CUL4B: variants seen among roughly 807,000 people sequenced by gnomAD.
The protein encoded by CUL4B is cullin 4B.
In CUL4B, 1 loss-of-function variant was observed where a neutral mutation model predicts 69.2. The observed-to-expected ratio is 0.01, with a 90% confidence interval of 0.01 to 0.07. The LOEUF (loss-of-function observed/expected upper bound fraction) is 0.07, where lower values mean the gene tolerates loss of function less well. CUL4B is among the 10% of genes least tolerant of loss of function. The pLI is 1.00. For synonymous variants in CUL4B, 237 were observed against 223.2 expected, an observed-to-expected ratio of 1.06 and a Z score of -0.55; for missense variants, 328 against 638.8, an observed-to-expected ratio of 0.51 and a Z score of 5.24.
Position 120,536,839 on chromosome X carries a change from T to G in CUL4B, c.2046+88A>C, listed in dbSNP as rs928948971. 3.3e-5 allele frequency: 22 copies of G among 673,941 alleles called. No individual in the cohort carries two copies. The Admixed American group carries it at 4.2e-4, about 13-fold the overall frequency. The allele number at this position is 673,941 out of a possible 1,213,427, so 55.5% of individuals were successfully genotyped here. ...CAGCGAGACCCTGGGTCTCTATTTT[T>G]TTCTAAGTATCTATTTTTAAATGAC... On this transcript the variant is annotated intron_variant, in intron 15 of 19. Transcript: ENST00000371322.
rs1924152052 is a variant in CUL4B at position 120,543,738 on chromosome X, A to G, written c.1245T>C (p.Asp415=). ...CATGTGGTACTTACTGGGTGGTCTG[A>G]TCTAAGTAAGTAATAAGTCTGTCTG... ...EEADRLITYL[D]QTTQKSLIAT... is the part of the protein sequence containing the mutation. Residue 415 remains aspartate (D), a synonymous_variant, in exon 8 of 20, where the codon GAT becomes GAC. Coordinates refer to ENST00000371322, the MANE Select transcript of CUL4B (RefSeq NM_001079872.2). 1 of 1,196,475 alleles carries G rather than the reference A, an allele frequency of 8.4e-7. No homozygotes were observed. Among genetic ancestry groups the G allele is most frequent in the Non-Finnish European group, 1.1e-6 (1 of 881,532 alleles).
rs1253958227 is a variant in CUL4B at position 120,525,400 on chromosome X, C to T, written c.*1361G>A. ...TTTTCTGCTTCTCCTCCCTTCAAAG[C>T]TTCAAGGAAATAGAAACAAGGAAAC... On this transcript the variant is annotated 3_prime_UTR_variant, in exon 20 of 20. Coordinates refer to ENST00000371322, the MANE Select transcript of CUL4B (RefSeq NM_001079872.2). The T allele has an allele frequency of 9.0e-6, 1 of 111,338 alleles. No individual in the cohort carries two copies. The highest frequency in any genetic ancestry group is 1.9e-5 in the Non-Finnish European group (1 of 53,041). The allele number at this position is 111,338 out of a possible 1,213,427, so 9.2% of individuals were successfully genotyped here.
chrX:120,529,795 A>T (rs1054485714), intron 19 of CUL4B, among the ~76,000 whole-genome samples: 2 of 111,498 alleles, frequency 1.8e-5, no homozygotes, highest in Non-Finnish European at 3.8e-5. Context: ...AGAGGAAAAG[A>T]AGTAAATAAC....
intron 10 of CUL4B, 67 bp downstream of exon 10, chrX:120,541,535 G>T: frequency 4.0e-6 from 3 of 742,126 alleles, no homozygotes; most frequent in Non-Finnish European, 6.3e-6. Context: ...AGAAATGCTT[G>T]CCAATATGCA....
At chrX:120,536,665 G>T (rs767936313) in intron 15 of CUL4B, among the ~76,000 whole-genome samples, 1 of 111,604 alleles carries the variant, frequency 9.0e-6, no homozygotes, top group Non-Finnish European at 1.9e-5. Flanking sequence ...TAAAGCAGTT[G>T]GTATTTGGTG....
rs1004155609 is a variant in CUL4B, at chrX:120,531,045, C to T, written c.2440-791G>A. ...TGTCCTACATTAAAATTTTTTCAGTCGGGCTCAGTGGCTCACACCTATAAT... is the reference window on the plus strand; with the variant it reads ...TGTCCTACATTAAAATTTTTTCAGTTGGGCTCAGTGGCTCACACCTATAAT... On this transcript the variant is annotated intron_variant, in intron 18 of 19. Transcript: ENST00000371322. 5.4e-5 allele frequency among the ~76,000 whole-genome samples: 6 copies of T among 111,345 alleles called. No individual in the cohort carries two copies. The South Asian group carries it at 1.9e-3, about 35-fold the overall frequency.
At chrX:120,537,392 T>G (rs145361675) in intron 14 of CUL4B, among the ~76,000 whole-genome samples, 90 of 110,828 alleles carry the variant, frequency 8.1e-4, no homozygotes, top group African/African-American at 2.8e-3. Flanking sequence ...TTAAACACCT[T>G]GCAGCAACCC....
chrX:120,568,336 C>T (rs772065058), downstream of CUL4B, among the ~76,000 whole-genome samples: 1 of 111,774 alleles, frequency 8.9e-6, no homozygotes, highest in African/African-American at 3.3e-5. Context: ...AGTTTGACAG[C>T]TTATCTAAGC....
At chrX:120,566,345 G>GTATATACA (rs1925517448), upstream of CUL4B, among the ~76,000 whole-genome samples, 1 of 40,987 alleles carries the variant, frequency 2.4e-5, no homozygotes, top group Non-Finnish European at 4.1e-5. Context: ...GTGTGTATAG[G>GTATATACA]TATATATATA....
chrX:120,536,163 C>T (rs1923659512), intron 15 of CUL4B, among the ~76,000 whole-genome samples: 1 of 112,761 alleles, frequency 8.9e-6, no homozygotes, highest in African/African-American at 3.2e-5. Flanking sequence ...TTTAATCATC[C>T]CCTCTTTTGA....
intron 18 of CUL4B, among the ~76,000 whole-genome samples, chrX:120,531,523 G>A (rs991289663): frequency 1.9e-5 from 2 of 105,635 alleles, no homozygotes; most frequent in Non-Finnish European, 3.9e-5. Flanking sequence ...GCAGTGGCGC[G>A]ATCTCAGCTC....
Position 120,557,943 on chromosome X carries a change from T to C in CUL4B, c.653A>G (p.Asn218Ser). ...ACATACCTGGTAGAGTTCTTCTAAATTGTACTTAATTGAAGTACTATTCTG... is the reference window on the plus strand; with the variant it reads ...ACATACCTGGTAGAGTTCTTCTAAACTGTACTTAATTGAAGTACTATTCTG... The part of the protein sequence containing the change: ...AIQNSTSIKY[N>S]LEELYQAVEN... Residue 218 changes from asparagine to serine, a missense_variant, in exon 2 of 20, where the codon AAT becomes AGT. Physicochemically the swap from Asn to Ser is conservative, Grantham distance 46. Coordinates refer to ENST00000371322, the MANE Select transcript of CUL4B (RefSeq NM_001079872.2). 1 of 1,186,589 alleles carries C rather than the reference T, an allele frequency of 8.4e-7. No homozygotes were observed. Among genetic ancestry groups the C allele is most frequent in the South Asian group, 1.8e-5 (1 of 56,003 alleles).
chrX:120,546,145 G>A (rs1379227215), intron 4 of CUL4B, among the ~76,000 whole-genome samples: 1 of 111,328 alleles, frequency 9.0e-6, no homozygotes, highest in Non-Finnish European at 1.9e-5. Flanking sequence ...AAGACATTCT[G>A]AAATGCAGGT....
upstream of CUL4B, among the ~76,000 whole-genome samples, chrX:120,566,329 ATG>A (rs1164879616): frequency 1.2e-5 from 1 of 80,737 alleles, no homozygotes. Context: ...TTTCATATGT[ATG>A]TGTGTGTGTA....
upstream of CUL4B, among the ~76,000 whole-genome samples, chrX:120,562,799 G>T (rs367822733): frequency 8.9e-6 from 1 of 111,760 alleles, no homozygotes; most frequent in Admixed American, 9.5e-5. Flanking sequence ...ATGTCTGGCT[G>T]GGAGTAAGGA....
downstream of CUL4B, among the ~76,000 whole-genome samples, chrX:120,570,512 C>G (rs977423185): frequency 5.4e-5 from 6 of 111,887 alleles, no homozygotes; most frequent in Non-Finnish European, 1.1e-4. Flanking sequence ...TAAAATAGTT[C>G]CTACTAGTTC....
chrX:120,569,407 G>A (rs888802781), downstream of CUL4B, among the ~76,000 whole-genome samples: 1 of 106,697 alleles, frequency 9.4e-6, no homozygotes, highest in Non-Finnish European at 1.9e-5. Flanking sequence ...GTCTTCCAGG[G>A]TGGAGTGCAG....
chrX:120,535,603 G>A (rs1372927130), intron 16 of CUL4B, among the ~76,000 whole-genome samples: 2 of 106,494 alleles, frequency 1.9e-5, no homozygotes, highest in Non-Finnish European at 3.9e-5. Context: ...CCACTCGGGA[G>A]GCTGAGGCAG....
intron 11 of CUL4B, 34 bp downstream of exon 11, chrX:120,540,336 A>G (rs1335394338): frequency 8.6e-7 from 1 of 1,159,814 alleles, no homozygotes; most frequent in Non-Finnish European, 1.2e-6. Flanking sequence ...AAAGAACATC[A>G]TTAAACAACT....
Sources: allele counts gnomAD v4.1 joint callset (sites outside exome capture counted in the v4.1 genomes callset), GRCh38; gene constraint gnomAD v4.1.1; transcripts MANE v1.5; gene names NCBI Gene and HGNC (gene_info 2026-07-23, HGNC 2026-07-21).